MED12L: variants seen among roughly 807,000 people sequenced by gnomAD.
The protein encoded by MED12L is mediator of RNA polymerase II transcription subunit 12-like protein.
Under a neutral mutation model 281.3 loss-of-function variants are expected in MED12L, and 60 were observed. The ratio of observed to expected loss-of-function variants is 0.21; its 90% CI spans 0.17 to 0.26. The LOEUF (loss-of-function observed/expected upper bound fraction) is 0.26, where lower values mean the gene tolerates loss of function less well. Among genes scored for constraint, MED12L ranks in the 10% least tolerant of loss-of-function variants. MED12L has a pLI of 1.00. For synonymous variants in MED12L, 974 were observed against 987.2 expected, an observed-to-expected ratio of 0.99 and a Z score of 0.25; for missense variants, 2,146 against 2,680.9, an observed-to-expected ratio of 0.80 and a Z score of 4.41.
intron 21 of MED12L, among the ~76,000 whole-genome samples, chr3:151,363,989 A>G (rs1488935101): frequency 6.6e-6 from 1 of 152,168 alleles, no homozygotes; most frequent in African/African-American, 2.4e-5. Context: ...ATGCAAGTAT[A>G]TAACAATATG....
intron 44 of MED12L, among the ~76,000 whole-genome samples, chr3:151,432,235 C>CACACGCTTGTTTCTGT (rs1719615839): frequency 6.6e-6 from 1 of 152,230 alleles, no homozygotes; most frequent in South Asian, 2.1e-4. Context: ...CATGTGCAGG[C>CACACGCTTGTTTCTGT]ATGCATGTCT....
intron 3 of MED12L, among the ~76,000 whole-genome samples, chr3:151,120,554 G>A (rs143784629): frequency 6.6e-6 from 1 of 152,244 alleles, no homozygotes; most frequent in African/African-American, 2.4e-5. Flanking sequence ...AAATGAAGAA[G>A]CTTTCTGTAT....
At position 151,170,615 on chromosome 3, in the gene MED12L, T is replaced by G. The variant is rs541110326; in HGVS notation, c.1494+4633T>G. ...TTTACTCTCCCTCCCTGTTGCCCTTTACCGCCCCATTTCCTTGGCCACTGT... is the reference window on the plus strand; with the variant it reads ...TTTACTCTCCCTCCCTGTTGCCCTTGACCGCCCCATTTCCTTGGCCACTGT... On this transcript the variant is annotated intron_variant, in intron 11 of 44. Transcript: ENST00000687756. 3.3e-4 allele frequency among the ~76,000 whole-genome samples: 50 copies of G among 152,310 alleles called. 1 individual carries two copies. The highest frequency in any genetic ancestry group is 6.0e-4 in the Non-Finnish European group (41 of 68,020).
intron 16 of MED12L, chr3:151,327,627 G>T: frequency 6.3e-6 from 1 of 158,284 alleles, no homozygotes; most frequent in Admixed American, 6.5e-5. Context: ...GTAGTGTTAT[G>T]TGAATTGTGG....
At chr3:151,270,868 C>T (rs1027676470) in intron 16 of MED12L, among the ~76,000 whole-genome samples, 14 of 152,280 alleles carry the variant, frequency 9.2e-5, no homozygotes, top group African/African-American at 3.4e-4. Flanking sequence ...ATTTAGAATT[C>T]ACATTCTCTG....
intron 16 of MED12L, among the ~76,000 whole-genome samples, chr3:151,238,057 C>G (rs1164233004): frequency 6.6e-6 from 1 of 152,128 alleles, no homozygotes; most frequent in Non-Finnish European, 1.5e-5. Flanking sequence ...ATCAAATTAT[C>G]GTTTTTTTCT....
chr3:151,280,646 C>T (rs1302907166), intron 16 of MED12L, among the ~76,000 whole-genome samples: 1 of 151,944 alleles, frequency 6.6e-6, no homozygotes, highest in Admixed American at 6.6e-5. Context: ...AGCTTGTGAC[C>T]TCTGTTCTGT....
intron 5 of MED12L, among the ~76,000 whole-genome samples, chr3:151,136,863 T>C (rs1452364064): frequency 6.6e-6 from 1 of 152,214 alleles, no homozygotes; most frequent in East Asian, 1.9e-4. Context: ...TCTATTTTTT[T>C]ATTTATTAAA....
intron 5 of MED12L, among the ~76,000 whole-genome samples, chr3:151,139,929 T>C (rs1716690461): frequency 6.6e-6 from 1 of 152,230 alleles, no homozygotes; most frequent in Non-Finnish European, 1.5e-5. Flanking sequence ...TAGCTAAGCC[T>C]AATCGCAGTC....
intron 16 of MED12L, chr3:151,213,816 A>T (rs749117052): frequency 1.1e-5 from 18 of 1,614,080 alleles, no homozygotes. Context: ...TTATTTGTGT[A>T]ACCTCCCTAA....
At chr3:151,099,261 A>G (rs188413692) in intron 2 of MED12L, among the ~76,000 whole-genome samples, 2 of 152,326 alleles carry the variant, frequency 1.3e-5, no homozygotes, top group Non-Finnish European at 2.9e-5. Context: ...GAATTTACCA[A>G]CACTTTTAGC....
intron 39 of MED12L, among the ~76,000 whole-genome samples, chr3:151,402,873 G>T (rs145868804): frequency 6.6e-6 from 1 of 152,092 alleles, no homozygotes; most frequent in Non-Finnish European, 1.5e-5. Context: ...ACGTCATTAG[G>T]CTAAAAAATC....
chr3:151,357,105 A>T, intron 19 of MED12L, 108 bp from the exon 20 acceptor site: 1 of 903,172 alleles, frequency 1.1e-6, no homozygotes, highest in Non-Finnish European at 1.6e-6. Flanking sequence ...AATTTAGGGA[A>T]TGTATTTGTA....
intron 16 of MED12L, among the ~76,000 whole-genome samples, chr3:151,310,022 C>A (rs1162708703): frequency 6.6e-6 from 1 of 152,136 alleles, no homozygotes; most frequent in Admixed American, 6.6e-5. Flanking sequence ...AAGGCCTGAT[C>A]AAACCATTAG....
At chr3:151,300,611 G>A (rs1745779220) in intron 16 of MED12L, among the ~76,000 whole-genome samples, 1 of 152,080 alleles carries the variant, frequency 6.6e-6, no homozygotes, top group Non-Finnish European at 1.5e-5. Context: ...TGCAGCTAAA[G>A]TAAAATATGC....
At chr3:151,357,407 C>A in intron 20 of MED12L, 31 bp downstream of exon 20, 1 of 1,531,602 alleles carries the variant, frequency 6.5e-7, no homozygotes, top group Non-Finnish European at 8.8e-7. Flanking sequence ...TGTTGTTTTT[C>A]CAATCTCAGA....
intron 16 of MED12L, among the ~76,000 whole-genome samples, chr3:151,331,749 G>A (rs542248381): frequency 2.4e-4 from 36 of 152,292 alleles, no homozygotes; most frequent in African/African-American, 7.7e-4. Flanking sequence ...AGTCACACTA[G>A]CTATACTGTT....
intron 43 of MED12L, among the ~76,000 whole-genome samples, chr3:151,418,662 T>C (rs754109197): frequency 1.6e-4 from 25 of 152,290 alleles, no homozygotes; most frequent in Non-Finnish European, 3.2e-4. Flanking sequence ...TTAATCCTTT[T>C]GTGTGTCTTG....
chr3:151,181,071 G>A (rs1447111222), intron 11 of MED12L, among the ~76,000 whole-genome samples: 1 of 151,030 alleles, frequency 6.6e-6, no homozygotes, highest in Non-Finnish European at 1.5e-5. Flanking sequence ...TTTCTCGGTG[G>A]TTAAGTTTGC....
Sources: allele counts gnomAD v4.1 joint callset (sites outside exome capture counted in the v4.1 genomes callset), GRCh38; gene constraint gnomAD v4.1.1; transcripts MANE v1.5; gene names NCBI Gene and HGNC (gene_info 2026-07-23, HGNC 2026-07-21).